The following SNX29 variants were observed in gnomAD, a reference collection of about 807,000 sequenced individuals.
SNX29 encodes the protein sorting nexin 29.
A neutral mutation model predicts 102.1 loss-of-function variants in SNX29; 78 were observed. The observed-to-expected ratio is 0.76, with a 90% CI of 0.64 to 0.92. The LOEUF (loss-of-function observed/expected upper bound fraction) is 0.92, where lower values mean the gene tolerates loss of function less well. SNX29 is among the 40% of genes least tolerant of loss of function. The pLI is 0.00. For missense variants in SNX29, 1,280 were observed against 1,061.7 expected, an observed-to-expected ratio of 1.21 and a Z score of -2.86; for synonymous variants, 580 against 414.5, an observed-to-expected ratio of 1.40 and a Z score of -4.85.
intron 20 of SNX29, among the ~76,000 whole-genome samples, chr16:12,548,622 C>G (rs1200516812): frequency 1.3e-5 from 2 of 152,184 alleles, no homozygotes; most frequent in African/African-American, 4.8e-5. Context: ...AGCCCCACAG[C>G]AGAAGAGGCT....
chr16:12,351,416 G>A (rs777453912), intron 15 of SNX29, among the ~76,000 whole-genome samples: 2 of 152,166 alleles, frequency 1.3e-5, no homozygotes, highest in Admixed American at 6.5e-5. Flanking sequence ...TTTTGAGTAT[G>A]TGACCCCCAA....
intron 14 of SNX29, among the ~76,000 whole-genome samples, chr16:12,248,562 G>A (rs1190812393): frequency 6.6e-6 from 1 of 151,854 alleles, no homozygotes; most frequent in Non-Finnish European, 1.5e-5. Flanking sequence ...GCTAGTTTTT[G>A]TATTTTTAGT....
chr16:12,012,354 C>T (rs1379261260), intron 3 of SNX29, among the ~76,000 whole-genome samples: 1 of 152,112 alleles, frequency 6.6e-6, no homozygotes, highest in East Asian at 1.9e-4. Context: ...GCAGGTTCTT[C>T]TCTGCTATCA....
intron 15 of SNX29, among the ~76,000 whole-genome samples, chr16:12,309,004 AG>A (rs2080442229): frequency 6.6e-6 from 1 of 152,230 alleles, no homozygotes; most frequent in African/African-American, 2.4e-5. Context: ...ACTGTTACAA[AG>A]GAAACCTCAC....
intron 8 of SNX29, among the ~76,000 whole-genome samples, chr16:12,059,010 C>A (rs1376982825): frequency 6.6e-6 from 1 of 151,874 alleles, no homozygotes. Context: ...CTCAAGTGAT[C>A]CTTCTGCCTC....
At chr16:12,552,476 G>A (rs28397159) in intron 20 of SNX29, among the ~76,000 whole-genome samples, 2,004 of 152,268 alleles carry the variant, frequency 0.013, 36 homozygotes, top group African/African-American at 0.044. Context: ...ATCACCCAAC[G>A]ATTGGGCCTC....
chr16:12,253,266 G>A (rs1241139595), intron 14 of SNX29, among the ~76,000 whole-genome samples: 1 of 152,126 alleles, frequency 6.6e-6, no homozygotes, highest in Non-Finnish European at 1.5e-5. Context: ...TTTCAATACT[G>A]TGTTTATTGA....
chr16:12,364,221 T>TG (rs1567481957), intron 16 of SNX29, among the ~76,000 whole-genome samples: 114 of 94,270 alleles, frequency 1.2e-3, no homozygotes, highest in African/African-American at 4.2e-3. Context: ...ATGTTATTTT[T>TG]GTAGAGGCAG....
At chr16:12,487,407 C>G (rs2088299919) in intron 19 of SNX29, among the ~76,000 whole-genome samples, 1 of 152,182 alleles carries the variant, frequency 6.6e-6, no homozygotes, top group Non-Finnish European at 1.5e-5. Context: ...CATTTATTTT[C>G]TCATCATGCA....
At chr16:12,068,491 C>T (rs1471864261) in intron 9 of SNX29, among the ~76,000 whole-genome samples, 1 of 97,502 alleles carries the variant, frequency 1.0e-5, no homozygotes, top group African/African-American at 4.4e-5. Flanking sequence ...CAGTGAGACC[C>T]TGTCTCAAAA....
In SNX29 at chr16:12,046,395, A is replaced by C; in HGVS notation, c.440A>C (p.Glu147Ala). ...ADRCRLSTFY[E>A]DWSFVMDEER... Reference sequence around the variant, plus strand: ...CTTTCAATCTGCAGCACTTTTTATGAAGACTGGTCTTTTGTGATGGATGAA... The same window carrying C: ...CTTTCAATCTGCAGCACTTTTTATGCAGACTGGTCTTTTGTGATGGATGAA... The change falls in exon 6 of 21, where the codon GAA (glutamate) becomes GCA (alanine). Residue 147 changes from glutamate (E) to alanine (A), a missense_variant. Physicochemically the swap from Glu to Ala is moderately radical, Grantham distance 107. Coordinates refer to ENST00000566228, the MANE Select transcript of SNX29 (RefSeq NM_032167.5). 1.2e-6 allele frequency: 2 copies of C among 1,613,706 alleles called. No homozygotes were observed. The highest frequency in any genetic ancestry group is 1.7e-6 in the Non-Finnish European group (2 of 1,179,682).
chr16:12,441,546 C>T lies in SNX29; in HGVS notation c.2038-36173C>T, dbSNP rs192998322. On this transcript the variant is annotated intron_variant, in intron 18 of 20. Coordinates refer to ENST00000566228, the MANE Select transcript of SNX29 (RefSeq NM_032167.5). ...ATTCCTATACTAGTCTCTGTGTGAA[C>T]GTTTGTCTTCAGTTCTCCCGTTTTG... is the stretch of plus-strand genomic sequence containing the variant. Among the ~76,000 whole-genome samples, 381 of 152,236 alleles carry T rather than the reference C, an allele frequency of 2.5e-3. 1 individual carries two copies. The highest frequency in any genetic ancestry group is 8.0e-3 in the African/African-American group (333 of 41,520).
Position 12,496,407 on chromosome 16 carries a change from A to G in SNX29, c.2178+18548A>G, listed in dbSNP as rs9806794. ...CTTTATCTCACGCTTCCTCGTTGCA[A>G]CCATTGTGAGGCACTCAATGGAGGC... is the stretch of plus-strand genomic sequence containing the variant. On this transcript the variant is annotated intron_variant, in intron 19 of 20. Coordinates refer to ENST00000566228, the MANE Select transcript of SNX29 (RefSeq NM_032167.5). Among the ~76,000 whole-genome samples the G allele has an allele frequency of 5.8e-3, 876 of 151,546 alleles. 12 individuals carry two copies. The highest frequency in any genetic ancestry group is 0.02 in the African/African-American group (817 of 41,244).
At chr16:12,553,990 A>G (rs142907541) in intron 20 of SNX29, among the ~76,000 whole-genome samples, 2 of 151,978 alleles carry the variant, frequency 1.3e-5, no homozygotes, top group Non-Finnish European at 2.9e-5. Flanking sequence ...ACATTTGGCT[A>G]ATTTTTGTAT....
At chr16:12,429,539 G>T (rs544436934) in intron 18 of SNX29, among the ~76,000 whole-genome samples, 6 of 152,166 alleles carry the variant, frequency 3.9e-5, no homozygotes, top group Admixed American at 3.9e-4. Flanking sequence ...AAAGCCCTGG[G>T]ATTACAGATG....
rs115871796 is a variant in SNX29, at chr16:12,023,879, T to G, written c.123-3441T>G. Among the ~76,000 whole-genome samples the G allele has an allele frequency of 2.5e-3, 381 of 152,280 alleles. 3 individuals carry two copies. The highest frequency in any genetic ancestry group is 8.4e-3 in the African/African-American group (349 of 41,556). ...TTCAAATGACCGTTTATACGAAATCTCCTGAGATGCATCTCCCACCAAAAT... is the reference window on the plus strand; with the variant it reads ...TTCAAATGACCGTTTATACGAAATCGCCTGAGATGCATCTCCCACCAAAAT... On this transcript the variant is annotated intron_variant, in intron 3 of 20. Transcript: ENST00000566228.
At position 12,015,377 on chromosome 16, in the gene SNX29, A is replaced by G. The variant is rs557773565; in HGVS notation, c.123-11943A>G. Among the ~76,000 whole-genome samples the G allele has an allele frequency of 1.3e-3, 198 of 152,064 alleles. 1 individual carries two copies. The highest frequency in any genetic ancestry group is 2.0e-3 in the Non-Finnish European group (136 of 68,008). On this transcript the variant is annotated intron_variant, in intron 3 of 20. Coordinates refer to ENST00000566228, the MANE Select transcript of SNX29 (RefSeq NM_032167.5). The stretch of plus-strand genomic sequence containing the variant: ...TGCCTCAGCGTCCGGAGTAGCTGGG[A>G]TTACAGGCACGCACCACCATGCCTG...
At chr16:12,132,511 C>T (rs1415182760) in intron 13 of SNX29, among the ~76,000 whole-genome samples, 1 of 152,202 alleles carries the variant, frequency 6.6e-6, no homozygotes, top group Non-Finnish European at 1.5e-5. Flanking sequence ...CACATATGTG[C>T]TTCCTCATCT....
chr16:12,199,266 C>G (rs903609336), intron 13 of SNX29, among the ~76,000 whole-genome samples: 6 of 152,196 alleles, frequency 3.9e-5, no homozygotes, highest in African/African-American at 1.4e-4. Flanking sequence ...GGAGAGAAGA[C>G]TAGAGTTCCT....
Sources: gnomAD v4.1 joint callset for allele counts (sites outside exome capture counted in the v4.1 genomes callset) on GRCh38, gnomAD v4.1.1 for gene constraint, MANE v1.5 for transcripts, NCBI Gene and HGNC (gene_info 2026-07-23, HGNC 2026-07-21) for gene names.